GLT6D1: variants seen among roughly 807,000 people sequenced by gnomAD.
GLT6D1 encodes putative glycosyltransferase 6 domain-containing protein 1.
In GLT6D1, 9 loss-of-function variants were observed where a neutral mutation model predicts 12.3. That is an observed-to-expected ratio of 0.73 (90% CI 0.44 to 1.27). The LOEUF (loss-of-function observed/expected upper bound fraction) is 1.27. Among genes scored for constraint, GLT6D1 ranks in the 50% most tolerant of loss-of-function variants. GLT6D1 has a pLI of 0.00. For missense variants in GLT6D1, 335 were observed against 346.2 expected (o/e 0.97, Z 0.26); for synonymous variants, 128 against 132.3 (o/e 0.97, Z 0.23).
intron 2 of GLT6D1, among the ~76,000 whole-genome samples, chr9:135,634,984 G>T (rs903815374): frequency 6.6e-6 from 1 of 152,202 alleles, no homozygotes; most frequent in African/African-American, 2.4e-5. Context: ...TCAGGACTGG[G>T]GCGTCAGGTT....
intron 3 of GLT6D1, 26 bp downstream of exon 3, chr9:135,631,405 A>G: frequency 1.9e-6 from 3 of 1,571,632 alleles, no homozygotes; most frequent in Non-Finnish European, 2.6e-6. Context: ...TTGTGTGTGC[A>G]TGTAAACAGG....
Position 135,624,097 on chromosome 9 carries a change from C to T in GLT6D1, c.831G>A (p.Ter277=), listed in dbSNP as rs766560872. ...CCCAGCTGTATGCTGGTGATAACAG[C>T]TAGGTGGGTTTATTGAGGTAAAAAT... ...NKYFYLNKPT[*] is the part of the protein sequence containing the mutation. The change falls in exon 5 of 5, where the codon TAG becomes TAA. Residue 277 remains the stop codon, a stop_retained_variant. Transcript: ENST00000371763. The T allele has an allele frequency of 6.9e-6, 11 of 1,598,546 alleles. No individual in the cohort carries two copies. The Admixed American group carries it at 1.8e-4, about 27-fold the overall frequency.
Position 135,623,890 on chromosome 9 carries a change from T to G in GLT6D1, c.*207A>C. 1 of 494,152 alleles carries G rather than the reference T, an allele frequency of 2.0e-6. No individual in the cohort carries two copies. Among genetic ancestry groups the G allele is most frequent in the African/African-American group, 2.0e-5 (1 of 49,984 alleles). The allele number at this position is 494,152 out of a possible 1,614,324, so 30.6% of individuals were successfully genotyped here. ...AAAATGGCAAGAAGAAACATTTATT[T>G]GGGAAGGATGTAAATTTGTATGTCT... On this transcript the variant is annotated 3_prime_UTR_variant, in exon 5 of 5. Transcript: ENST00000371763.
At chr9:135,635,894 C>T (rs559187292) in intron 2 of GLT6D1, among the ~76,000 whole-genome samples, 1 of 152,224 alleles carries the variant, frequency 6.6e-6, no homozygotes, top group Non-Finnish European at 1.5e-5. Context: ...CCTCCAACAG[C>T]AAGAAACTTG....
intron 4 of GLT6D1, 54 bp from the exon 5 acceptor site, chr9:135,624,724 CTTTT>C (rs72471205): frequency 8.2e-3 from 4,636 of 562,116 alleles, no homozygotes; most frequent in East Asian, 0.023. Flanking sequence ...TCTTTTCTTT[CTTTT>C]TTTTTTTTTT....
chr9:135,637,266 A>G (rs1300034841), intron 2 of GLT6D1, among the ~76,000 whole-genome samples: 1 of 150,070 alleles, frequency 6.7e-6, no homozygotes, highest in Non-Finnish European at 1.5e-5. Context: ...GCACTTCATG[A>G]ACCACAGCTT....
intron 3 of GLT6D1, among the ~76,000 whole-genome samples, chr9:135,629,712 T>C (rs1833593828): frequency 6.6e-6 from 1 of 152,220 alleles, no homozygotes; most frequent in Non-Finnish European, 1.5e-5. Context: ...TCTTGTTGAA[T>C]TGTCAATTTC....
chr9:135,635,928 TTTAA>T (rs1375864384), intron 2 of GLT6D1, among the ~76,000 whole-genome samples: 1 of 152,234 alleles, frequency 6.6e-6, no homozygotes, highest in African/African-American at 2.4e-5. Context: ...CATCCATTTA[TTTAA>T]TTGATTCAAA....
At chr9:135,638,317 T>C (rs1024567132) in intron 2 of GLT6D1, among the ~76,000 whole-genome samples, 2 of 152,270 alleles carry the variant, frequency 1.3e-5, no homozygotes, top group African/African-American at 4.8e-5. Context: ...ACAATTCAAG[T>C]TGAGATTTGG....
chr9:135,633,470 G>C (rs1833694418), intron 2 of GLT6D1, among the ~76,000 whole-genome samples: 2 of 152,022 alleles, frequency 1.3e-5, no homozygotes, highest in South Asian at 4.2e-4. Context: ...GGCCAGGCTG[G>C]TCTCAAACTC....
intron 2 of GLT6D1, among the ~76,000 whole-genome samples, chr9:135,633,103 G>C (rs886415200): frequency 1.3e-5 from 2 of 152,162 alleles, no homozygotes; most frequent in Non-Finnish European, 2.9e-5. Context: ...TGTCTTCAGG[G>C]ATTAGAGCTG....
chr9:135,625,632 T>G (rs1280220831), intron 4 of GLT6D1, among the ~76,000 whole-genome samples: 2 of 152,144 alleles, frequency 1.3e-5, no homozygotes, highest in Admixed American at 6.5e-5. Flanking sequence ...GCCCCTGAGC[T>G]CACTAGGATT....
In GLT6D1 at chr9:135,624,026, G is replaced by C. The variant is rs144246886; in HGVS notation, c.*71C>G. ...TCATAATTTCCTCTGGGAATCATGTGCGACCTTGACGTATTGGATCTGTGG... is the reference window on the plus strand; with the variant it reads ...TCATAATTTCCTCTGGGAATCATGTCCGACCTTGACGTATTGGATCTGTGG... On this transcript the variant is annotated 3_prime_UTR_variant, in exon 5 of 5. Coordinates refer to ENST00000371763, the MANE Select transcript of GLT6D1 (RefSeq NM_182974.3). 7.1e-4 allele frequency: 650 copies of C among 909,344 alleles called. 6 individuals carry two copies. The East Asian group carries it at 0.012, about 16-fold the overall frequency. 56.3% of individuals were successfully genotyped at this position (909,344 alleles called of 1,614,324 possible).
At chr9:135,625,939 C>G in intron 4 of GLT6D1, 130 bp downstream of exon 4, 1 of 1,022,266 alleles carries the variant, frequency 9.8e-7, no homozygotes, top group Admixed American at 2.6e-5. Flanking sequence ...GTTTGTTTCT[C>G]CCCAGAAATC....
chr9:135,625,508 C>A (rs1833489156), intron 4 of GLT6D1, among the ~76,000 whole-genome samples: 2 of 152,002 alleles, frequency 1.3e-5, no homozygotes, highest in African/African-American at 2.4e-5. Context: ...TGCCCTCACC[C>A]AAACCAAAAA....
intron 2 of GLT6D1, among the ~76,000 whole-genome samples, chr9:135,638,369 G>A (rs1028119693): frequency 5.9e-5 from 9 of 152,104 alleles, no homozygotes; most frequent in South Asian, 2.1e-4. Flanking sequence ...TTACAGATGC[G>A]TCCTCTAGTA....
intron 3 of GLT6D1, among the ~76,000 whole-genome samples, chr9:135,627,085 G>T (rs978315926): frequency 6.6e-6 from 1 of 152,152 alleles, no homozygotes; most frequent in African/African-American, 2.4e-5. Flanking sequence ...CTACAATGAG[G>T]AACGTGGCAG....
At chr9:135,634,214 C>T (rs138164677) in intron 2 of GLT6D1, among the ~76,000 whole-genome samples, 2,266 of 152,166 alleles carry the variant, frequency 0.015, 67 homozygotes, top group African/African-American at 0.051. Context: ...CTGCAACCTC[C>T]GCCTCCCAGA....
chr9:135,634,708 T>C (rs1387939602), intron 2 of GLT6D1, among the ~76,000 whole-genome samples: 1 of 151,818 alleles, frequency 6.6e-6, no homozygotes, highest in Non-Finnish European at 1.5e-5. Context: ...TTTCCCCTAA[T>C]GTCTCTTTTT....
Sources: gnomAD v4.1 joint callset for allele counts (sites outside exome capture counted in the v4.1 genomes callset) on GRCh38, gnomAD v4.1.1 for gene constraint, MANE v1.5 for transcripts, NCBI Gene and HGNC (gene_info 2026-07-23, HGNC 2026-07-21) for gene names.